ITGA2B: variants seen among roughly 807,000 people sequenced by gnomAD.
The protein encoded by ITGA2B is integrin alpha-IIb.
Under a neutral mutation model 142.0 loss-of-function variants are expected in ITGA2B, and 91 were observed. The ratio of observed to expected loss-of-function variants is 0.64; its 90% CI spans 0.54 to 0.76. The LOEUF (loss-of-function observed/expected upper bound fraction) is 0.76, where lower values mean the gene tolerates loss of function less well. Among genes scored for constraint, ITGA2B ranks in the 30% least tolerant of loss-of-function variants. ITGA2B has a pLI of 0.00. For synonymous variants in ITGA2B, 536 were observed against 567.2 expected (o/e 0.94, Z 0.78); for missense variants, 1,231 against 1,350.8 (o/e 0.91, Z 1.39).
rs756867424 is a variant in ITGA2B at position 44,380,471 on chromosome 17, C to G, written c.1459G>C (p.Ala487Pro). 2 of 1,613,988 alleles carry G rather than the reference C, an allele frequency of 1.2e-6. No homozygotes were observed. The highest frequency in any genetic ancestry group is 1.7e-6 in the Non-Finnish European group (2 of 1,180,016). Residue 487 changes from alanine (A) to proline (P), a missense_variant, in exon 15 of 30, where the codon GCC (alanine) becomes CCC (proline). Physicochemically the swap from Ala to Pro is conservative, Grantham distance 27. Coordinates refer to ENST00000262407, the MANE Select transcript of ITGA2B (RefSeq NM_000419.5). Reference protein sequence around the residue: ...AVYRAQPVVKASVQLLVQDSL... With the variant: ...AVYRAQPVVKPSVQLLVQDSL... ...TCTTGCACCAGTAGCTGGACAGAGG[C>G]CTTCACCACTGGCTGAGCTCTGATG...
In ITGA2B at chr17:44,385,201, C is replaced by G. The variant is rs2048634029; in HGVS notation, c.633G>C (p.Glu211Asp). The change falls in exon 6 of 30, where the codon GAG (glutamate) becomes GAC (aspartate). Residue 211 changes from glutamate to aspartate, a missense_variant. By Grantham distance (45) the Glu-to-Asp change is conservative (BLOSUM62 2). Around this residue, in one of 3 missense-constraint regions of ITGA2B, gnomAD observed 318 missense variants for 312.2 expected, o/e 1.02. Transcript: ENST00000262407. ...GFSSVVTQAG[E>D]LVLGAPGGYY... ...AGCCGCCAGGAGCCCCAAGCACCAG[C>G]TCTCCGGCCTGGAAGGGAAGTCCTG... is the stretch of plus-strand genomic sequence containing the variant. 6.2e-7 allele frequency: 1 copy of G among 1,613,944 alleles called. No individual in the cohort carries two copies. The highest frequency in any genetic ancestry group is 1.3e-5 in the African/African-American group (1 of 74,950).
At position 44,380,630 on chromosome 17, in the gene ITGA2B, G is replaced by C. The variant is rs2048587714; in HGVS notation, c.1409C>G (p.Ala470Gly). Reference protein sequence around the residue: ...DNGYPDLIVGAYGANQVAVYR... With the variant: ...DNGYPDLIVGGYGANQVAVYR... ...CACAGCCACCTGGTTGGCCCCGTAA[G>C]CTCCCACGATCAGGTCTATAGACAT... Residue 470 changes from alanine (A) to glycine (G), a missense_variant, in exon 14 of 30, where the codon GCT (alanine) becomes GGT (glycine). Ala to Gly is a moderately conservative substitution (Grantham distance 60). Around this residue, in one of 3 missense-constraint regions of ITGA2B, gnomAD observed 908 missense variants for 1,021.1 expected, o/e 0.89. Transcript: ENST00000262407. 1.2e-6 allele frequency: 2 copies of C among 1,614,202 alleles called. No individual in the cohort carries two copies. The highest frequency in any genetic ancestry group is 1.3e-5 in the African/African-American group (1 of 75,040).
Position 44,376,075 on chromosome 17 carries a change from T to A in ITGA2B, c.2448+10A>T. Reference sequence around the variant, plus strand: ...CTCACCCCAGCCAGGGACGCGAGGCTCCCCAATACCTCATAGGTGTGCTCC... The same window carrying A: ...CTCACCCCAGCCAGGGACGCGAGGCACCCCAATACCTCATAGGTGTGCTCC... On this transcript the variant is annotated intron_variant, in intron 24 of 29. Transcript: ENST00000262407. 6.2e-7 allele frequency: 1 copy of A among 1,613,952 alleles called. No homozygotes were observed.
chr17:44,388,816 C>CTAT (rs2048672995), intron 1 of ITGA2B, among the ~76,000 whole-genome samples: 1 of 126,028 alleles, frequency 7.9e-6, no homozygotes. Context: ...TGTGCCTGGT[C>CTAT]TCTTTTTTTT....
At chr17:44,378,244 A>G (rs2048561983) in intron 20 of ITGA2B, 118 bp downstream of exon 20, 1 of 1,302,420 alleles carries the variant, frequency 7.7e-7, no homozygotes, top group Admixed American at 3.4e-5. Context: ...AAAAATAAAA[A>G]ATTACATCTT....
intron 12 of ITGA2B, among the ~76,000 whole-genome samples, 179 bp downstream of exon 12, chr17:44,383,314 A>G (rs2048612258): frequency 6.6e-6 from 1 of 152,092 alleles, no homozygotes; most frequent in South Asian, 2.1e-4. Context: ...ATTAAGGCAA[A>G]CACTTCCTAA....
intron 10 of ITGA2B, 68 bp downstream of exon 10, chr17:44,384,017 C>G (rs1023649305): frequency 9.4e-5 from 151 of 1,613,548 alleles, no homozygotes; most frequent in Non-Finnish European, 1.3e-4. Flanking sequence ...GCCCTCACCT[C>G]CCATGAAATA....
At chr17:44,376,415 A>T (rs1027937329) in intron 22 of ITGA2B, 27 bp from the exon 23 acceptor site, 1 of 1,610,586 alleles carries the variant, frequency 6.2e-7, no homozygotes, top group Admixed American at 1.7e-5. Context: ...GAGGAGAAAC[A>T]GGGCCAGGGA....
At position 44,385,599 on chromosome 17, in the gene ITGA2B, G is replaced by C. The variant is rs2048640485; in HGVS notation, c.526C>G (p.Pro176Ala). ...CGGCTCAGGGTGTTCCCGCGACAGG[G>C]GGAGTACTCGGCGCGGCGGCCGCTC... ...PESGRRAEYS[P>A]CRGNTLSRIY... Residue 176 changes from proline (P) to alanine (A), a missense_variant, in exon 4 of 30, where the codon CCC (proline) becomes GCC (alanine). Around this residue, in one of 3 missense-constraint regions of ITGA2B, gnomAD observed 318 missense variants for 312.2 expected, o/e 1.02. Transcript: ENST00000262407. 5 of 1,611,080 alleles carry C rather than the reference G, an allele frequency of 3.1e-6. No individual in the cohort carries two copies. Among genetic ancestry groups the C allele is most frequent in the Non-Finnish European group, 4.2e-6 (5 of 1,179,440 alleles).
In ITGA2B at chr17:44,385,532, G is replaced by T; in HGVS notation, c.574+19C>A. 6.5e-7 allele frequency: 1 copy of T among 1,544,514 alleles called. No individual in the cohort carries two copies. The highest frequency in any genetic ancestry group is 8.7e-7 in the Non-Finnish European group (1 of 1,150,968). On this transcript the variant is annotated intron_variant, in intron 4 of 29. Coordinates refer to ENST00000262407, the MANE Select transcript of ITGA2B (RefSeq NM_000419.5). ...AAGCCGTCGCGAGTGGGCGGGGCCAGGTCGTAGCTGGCGCTTACTAAAATC... is the reference window on the plus strand; with the variant it reads ...AAGCCGTCGCGAGTGGGCGGGGCCATGTCGTAGCTGGCGCTTACTAAAATC...
chr17:44,372,731 C>T (rs868316951), intron 29 of ITGA2B, among the ~76,000 whole-genome samples: 6 of 151,408 alleles, frequency 4.0e-5, no homozygotes, highest in Admixed American at 1.3e-4. Flanking sequence ...CGGGTTCAAA[C>T]AATTCTCATG....
chr17:44,383,607 G>C lies in ITGA2B; in HGVS notation c.1096C>G (p.Arg366Gly), dbSNP rs2048615415. Reference protein sequence around the residue: ...VGRVYLFLQPRGPHALGAPSL... With the variant: ...VGRVYLFLQPGGPHALGAPSL... ...GGGGCACCCAGCGCGTGGGGGCCTCGCGGCTGCAGGAACAAATACACACGC... is the reference window on the plus strand; with the variant it reads ...GGGGCACCCAGCGCGTGGGGGCCTCCCGGCTGCAGGAACAAATACACACGC... The change falls in exon 12 of 30, where the codon CGA (arginine) becomes GGA (glycine). Residue 366 changes from arginine (R) to glycine (G), a missense_variant. By Grantham distance (125) the Arg-to-Gly change is moderately radical. Coordinates refer to ENST00000262407, the MANE Select transcript of ITGA2B (RefSeq NM_000419.5). The C allele has an allele frequency of 6.2e-7, 1 of 1,608,722 alleles. No homozygotes were observed.
Position 44,374,381 on chromosome 17 carries a change from GAGC to G in ITGA2B, c.3030_3032del (p.Leu1011del). ...TCCACATGGCCAGGACCAGGATGGT[GAGC>G]AGCAGCAGGCCACCCAGCACACCCA... On this transcript the variant is annotated inframe_deletion, in exon 29 of 30. Transcript: ENST00000262407. The G allele has an allele frequency of 6.2e-7, 1 of 1,614,128 alleles. No individual in the cohort carries two copies. The highest frequency in any genetic ancestry group is 8.5e-7 in the Non-Finnish European group (1 of 1,180,002).
In ITGA2B at chr17:44,385,207, G is replaced by A. The variant is rs753520317; in HGVS notation, c.627C>T (p.Ala209=). Residue 209 remains alanine, a splice_region_variant and synonymous_variant, in exon 6 of 30, where the codon GCC becomes GCT. Transcript: ENST00000262407. ...EAGFSSVVTQ[A]GELVLGAPGG... ...CAGGAGCCCCAAGCACCAGCTCTCC[G>A]GCCTGGAAGGGAAGTCCTGAGGGTG... 1.9e-6 allele frequency: 3 copies of A among 1,614,032 alleles called. No homozygotes were observed. Among genetic ancestry groups the A allele is most frequent in the Non-Finnish European group, 1.7e-6 (2 of 1,180,004 alleles).
At chr17:44,381,089 C>G in intron 12 of ITGA2B, 28 bp from the exon 13 acceptor site, 6 of 1,608,826 alleles carry the variant, frequency 3.7e-6, no homozygotes, top group Non-Finnish European at 5.1e-6. Flanking sequence ...AAGGAAGTGG[C>G]TGATTGTTAT....
At position 44,377,740 on chromosome 17, in the gene ITGA2B, C is replaced by A; in HGVS notation, c.2145G>T (p.Val715=). Reference sequence around the variant, plus strand: ...TGGGGTTGCCCAGCTCACACAGCACCACCCTGGTCTCATTCTCCTTCTTCT... The same window carrying A: ...TGGGGTTGCCCAGCTCACACAGCACAACCCTGGTCTCATTCTCCTTCTTCT... ...CNQKKENETR[V]VLCELGNPMK... The change falls in exon 21 of 30, where the codon GTG becomes GTT. Residue 715 remains valine, a synonymous_variant. Transcript: ENST00000262407. 1 of 1,614,004 alleles carries A rather than the reference C, an allele frequency of 6.2e-7. No individual in the cohort carries two copies. Among genetic ancestry groups the A allele is most frequent in the Non-Finnish European group, 8.5e-7 (1 of 1,179,938 alleles).
Position 44,380,664 on chromosome 17 carries a change from G to A in ITGA2B, c.1394-19C>T. On this transcript the variant is annotated intron_variant, in intron 13 of 29. Transcript: ENST00000262407. ...ATCAGGTCTATAGACATCGAGGAATGGGTCAGAATTGGCGATTAGGGCATG... is the reference window on the plus strand; with the variant it reads ...ATCAGGTCTATAGACATCGAGGAATAGGTCAGAATTGGCGATTAGGGCATG... 1.2e-6 allele frequency: 2 copies of A among 1,614,192 alleles called. No homozygotes were observed. Among genetic ancestry groups the A allele is most frequent in the East Asian group, 2.2e-5 (1 of 44,884 alleles).
Position 44,386,009 on chromosome 17 carries a change from C to T in ITGA2B, c.310+1G>A, listed in dbSNP as rs776820510. On this transcript the variant is annotated splice_donor_variant, in intron 2 of 29. Coordinates refer to ENST00000262407, the MANE Select transcript of ITGA2B (RefSeq NM_000419.5). LOFTEE classifies it high-confidence loss of function. ...CCTTGCTCTCCTTGCCTGGGACTCA[C>T]GGAGGTCAAAGAGCAGCGAGGGGCA... is the stretch of plus-strand genomic sequence containing the variant. 3 of 1,613,854 alleles carry T rather than the reference C, an allele frequency of 1.9e-6. No individual in the cohort carries two copies. Among genetic ancestry groups the T allele is most frequent in the Non-Finnish European group, 2.5e-6 (3 of 1,180,008 alleles).
At chr17:44,376,429 C>T (rs755151321) in intron 22 of ITGA2B, 41 bp from the exon 23 acceptor site, 56 of 1,595,020 alleles carry the variant, frequency 3.5e-5, no homozygotes, top group Non-Finnish European at 4.6e-5. Context: ...CCAGGGACAC[C>T]AGCCCAGTGA....
Sources: allele counts gnomAD v4.1 joint callset (sites outside exome capture counted in the v4.1 genomes callset), GRCh38; gene constraint gnomAD v4.1.1; regional missense constraint gnomAD v4.1.1; transcripts MANE v1.5; gene names NCBI Gene and HGNC (gene_info 2026-07-23, HGNC 2026-07-21).